The following KALRN variants were observed in gnomAD, a reference collection of about 807,000 sequenced individuals.
The protein encoded by KALRN is kalirin RhoGEF kinase, also known as kalirin.
A neutral mutation model predicts 353.7 loss-of-function variants in KALRN; 70 were observed. The observed-to-expected ratio is 0.20, with a 90% CI of 0.16 to 0.24. KALRN has a LOEUF of 0.24. Among genes scored for constraint, KALRN ranks in the 10% least tolerant of loss-of-function variants. The pLI is 1.00. For synonymous variants in KALRN, 1,391 were observed against 1,434.8 expected (o/e 0.97, Z 0.69); for missense variants, 2,791 against 3,756.7 (o/e 0.74, Z 6.72).
chr3:124,243,837 C>G (rs1416086749), intron 3 of KALRN, among the ~76,000 whole-genome samples: 3 of 152,138 alleles, frequency 2.0e-5, no homozygotes, highest in Non-Finnish European at 2.9e-5. Context: ...AATGCCTAGC[C>G]CATTATTTAG....
At chr3:124,299,737 G>A (rs956886892) in intron 6 of KALRN, among the ~76,000 whole-genome samples, 1 of 152,190 alleles carries the variant, frequency 6.6e-6, no homozygotes, top group African/African-American at 2.4e-5. Context: ...ATCAGTAAAT[G>A]CTGGTGTTAT....
intron 3 of KALRN, among the ~76,000 whole-genome samples, chr3:124,249,830 C>T (rs2070867009): frequency 6.6e-6 from 1 of 152,208 alleles, no homozygotes; most frequent in South Asian, 2.1e-4. Flanking sequence ...CCACAGGGCT[C>T]CCCGACTCCA....
intron 43 of KALRN, among the ~76,000 whole-genome samples, chr3:124,660,680 CAAAAA>C (rs5852424): frequency 1.1e-5 from 1 of 93,800 alleles, no homozygotes; most frequent in Admixed American, 1.2e-4. Flanking sequence ...GACTATGTCT[CAAAAA>C]AAAAAAAAAA....
intron 5 of KALRN, among the ~76,000 whole-genome samples, chr3:124,293,690 A>G (rs2076605758): frequency 6.6e-6 from 1 of 152,202 alleles, no homozygotes. Flanking sequence ...AGACTAAACT[A>G]TGTTAATTTC....
At chr3:124,110,494 C>CACACACAT (rs2149499329) in intron 1 of KALRN, among the ~76,000 whole-genome samples, 1 of 151,740 alleles carries the variant, frequency 6.6e-6, no homozygotes, top group South Asian at 2.1e-4. Context: ...CACACACACA[C>CACACACAT]ACATTGTGAA....
chr3:124,113,015 C>A (rs1025816231), intron 1 of KALRN, among the ~76,000 whole-genome samples: 6 of 152,114 alleles, frequency 3.9e-5, no homozygotes, highest in Middle Eastern at 3.2e-3. Flanking sequence ...TTTAAAAAAA[C>A]CAAAGGAAAA....
intron 51 of KALRN, among the ~76,000 whole-genome samples, chr3:124,689,009 C>T (rs1405620219): frequency 1.3e-5 from 2 of 152,170 alleles, no homozygotes; most frequent in African/African-American, 4.8e-5. Flanking sequence ...TGGGAGGAAG[C>T]GCTGCCACCT....
intron 5 of KALRN, among the ~76,000 whole-genome samples, chr3:124,277,110 G>A (rs1212486593): frequency 6.6e-6 from 1 of 152,220 alleles, no homozygotes; most frequent in African/African-American, 2.4e-5. Context: ...CACTTGACAT[G>A]TGTCCTCACC....
chr3:124,371,727 A>G (rs985128049), intron 10 of KALRN, among the ~76,000 whole-genome samples: 2 of 152,190 alleles, frequency 1.3e-5, no homozygotes, highest in Non-Finnish European at 2.9e-5. Context: ...ACAGGCATGC[A>G]ATGTGAAATA....
chr3:124,416,777 G>T (rs181150211), intron 14 of KALRN, among the ~76,000 whole-genome samples: 7 of 152,344 alleles, frequency 4.6e-5, no homozygotes, highest in African/African-American at 1.4e-4. Flanking sequence ...GGCAATAAAT[G>T]GCTTGGGGAT....
At chr3:124,481,338 C>T (rs1307862233) in intron 27 of KALRN, among the ~76,000 whole-genome samples, 3 of 152,140 alleles carry the variant, frequency 2.0e-5, no homozygotes, top group African/African-American at 7.2e-5. Flanking sequence ...TCCCAAGTAG[C>T]TGGGACTACA....
intron 45 of KALRN, among the ~76,000 whole-genome samples, chr3:124,662,380 T>A (rs2085002631): frequency 6.6e-6 from 1 of 151,844 alleles, no homozygotes; most frequent in Non-Finnish European, 1.5e-5. Flanking sequence ...TTTTTAAATA[T>A]TTTTTATATT....
intron 3 of KALRN, among the ~76,000 whole-genome samples, chr3:124,246,818 G>A (rs1579984661): frequency 6.6e-6 from 1 of 152,134 alleles, no homozygotes. Flanking sequence ...GTTTGTGGTA[G>A]GTAATCAGGA....
At chr3:124,602,954 G>GTTGTTGTT (rs141366487) in intron 34 of KALRN, among the ~76,000 whole-genome samples, 3 of 38,162 alleles carry the variant, frequency 7.9e-5, no homozygotes, top group African/African-American at 2.6e-4. Flanking sequence ...TTTTTTTGTT[G>GTTGTTGTT]TTGTTTTGTT....
At chr3:124,630,935 C>T (rs2080705011) in intron 34 of KALRN, among the ~76,000 whole-genome samples, 1 of 152,062 alleles carries the variant, frequency 6.6e-6, no homozygotes, top group South Asian at 2.1e-4. Flanking sequence ...CATGCTCTTG[C>T]ATCCTCTCTA....
intron 33 of KALRN, among the ~76,000 whole-genome samples, chr3:124,556,369 C>G (rs1271479074): frequency 6.6e-6 from 1 of 152,134 alleles, no homozygotes; most frequent in African/African-American, 2.4e-5. Context: ...CGACAATGTT[C>G]CTAAATGCCC....
chr3:124,082,806 A>G (rs983799730), intron 1 of KALRN, among the ~76,000 whole-genome samples: 3 of 152,216 alleles, frequency 2.0e-5, no homozygotes, highest in Non-Finnish European at 2.9e-5. Flanking sequence ...TAAATAAACC[A>G]CCCTTATAAA....
intron 5 of KALRN, among the ~76,000 whole-genome samples, chr3:124,271,978 C>G (rs1456499550): frequency 6.6e-6 from 1 of 152,172 alleles, no homozygotes. Context: ...GGGAGGTAAT[C>G]ATTGGATACT....
At chr3:124,477,542 G>A (rs1008223067) in intron 27 of KALRN, among the ~76,000 whole-genome samples, 8 of 152,040 alleles carry the variant, frequency 5.3e-5, no homozygotes, top group African/African-American at 1.9e-4. Context: ...GATTTTGTAC[G>A]AGGCAAATTT....
Sources: gnomAD v4.1 joint callset for allele counts (sites outside exome capture counted in the v4.1 genomes callset) on GRCh38, gnomAD v4.1.1 for gene constraint, MANE v1.5 for transcripts, NCBI Gene and HGNC (gene_info 2026-07-23, HGNC 2026-07-21) for gene names.